SPMIP6: variants seen among roughly 807,000 people sequenced by gnomAD.
SPMIP6 encodes ciliated bronchial epithelial protein 1.
chr9:34,391,696 TA>T, the SPMIP6 span, among the ~76,000 whole-genome samples: 2 of 152,332 alleles, frequency 1.3e-5, no homozygotes, highest in East Asian at 3.9e-4. Context: ...TGTTGATCTG[TA>T]ATTTTATTAC....
the SPMIP6 span, chr9:34,382,581 TC>T: frequency 1.8e-6 from 1 of 542,806 alleles, no homozygotes; most frequent in South Asian, 2.1e-5. Flanking sequence ...TGAGACTCTA[TC>T]TAAAAAAAAA....
At chr9:34,385,523 G>A in the SPMIP6 span, 5 of 900,160 alleles carry the variant, frequency 5.6e-6, no homozygotes, top group African/African-American at 7.4e-5. Context: ...CAACAAGAGC[G>A]AAACTCCGTC....
At chr9:34,381,103 G>A in the SPMIP6 span, 6 of 1,605,206 alleles carry the variant, frequency 3.7e-6, no homozygotes, top group Non-Finnish European at 4.3e-6. This position sits in a 1 kb window ranked among gnomAD's most constrained non-coding sequence, Gnocchi z 4.4. Context: ...GCGACAGTGA[G>A]TTCAGCATGT....
At chr9:34,380,771 G>T in the SPMIP6 span, 3 of 1,547,312 alleles carry the variant, frequency 1.9e-6, no homozygotes, top group Non-Finnish European at 2.6e-6. Flanking sequence ...CCTCGAGAGC[G>T]TGCAGCGCGG....
At chr9:34,381,058 G>C in the SPMIP6 span, 1 of 1,611,566 alleles carries the variant, frequency 6.2e-7, no homozygotes, top group South Asian at 1.1e-5. This position sits in a 1 kb window ranked among gnomAD's most constrained non-coding sequence, Gnocchi z 4.4. Context: ...CCACGCACCC[G>C]CATCGGGGCG....
chr9:34,380,675 CG>C, the SPMIP6 span: 5 of 1,544,136 alleles, frequency 3.2e-6, no homozygotes, highest in South Asian at 6.1e-5. Flanking sequence ...GGACAGGGGT[CG>C]GGGACTTGGA....
chr9:34,380,322 C>T, the SPMIP6 span, among the ~76,000 whole-genome samples: 1 of 152,186 alleles, frequency 6.6e-6, no homozygotes, highest in Non-Finnish European at 1.5e-5. Context: ...AGCAGTAACA[C>T]GCGAGGGTGC....
the SPMIP6 span, among the ~76,000 whole-genome samples, chr9:34,390,358 C>T: frequency 6.6e-6 from 1 of 151,950 alleles, no homozygotes; most frequent in Admixed American, 6.6e-5. Context: ...ACTGCTATTT[C>T]TGCATCTTTT....
At chr9:34,391,376 A>G in the SPMIP6 span, among the ~76,000 whole-genome samples, 1 of 152,096 alleles carries the variant, frequency 6.6e-6, no homozygotes, top group Non-Finnish European at 1.5e-5. Flanking sequence ...ATCTTGTTGA[A>G]TCTTTGCTTT....
chr9:34,380,892 C>A, the SPMIP6 span: 20 of 1,536,670 alleles, frequency 1.3e-5, no homozygotes, highest in Non-Finnish European at 1.7e-5. Flanking sequence ...CGGAGCCCTG[C>A]GAACCTTACA....
chr9:34,383,387 G>A, the SPMIP6 span, among the ~76,000 whole-genome samples: 2 of 152,166 alleles, frequency 1.3e-5, no homozygotes, highest in Non-Finnish European at 2.9e-5. Flanking sequence ...GTTGGGCATG[G>A]TTGGTGTGCG....
At chr9:34,387,510 A>G in the SPMIP6 span, among the ~76,000 whole-genome samples, 1 of 150,916 alleles carries the variant, frequency 6.6e-6, no homozygotes, top group African/African-American at 2.5e-5. Context: ...TCCGAGCTTT[A>G]CACACACACA....
the SPMIP6 span, among the ~76,000 whole-genome samples, chr9:34,395,305 C>G: frequency 6.6e-6 from 1 of 152,190 alleles, no homozygotes; most frequent in East Asian, 1.9e-4. Context: ...CTGACTTTCA[C>G]TCCTCGCCAT....
At chr9:34,381,618 A>G in the SPMIP6 span, 1 of 1,433,426 alleles carries the variant, frequency 7.0e-7, no homozygotes, top group East Asian at 2.5e-5. The surrounding 1 kb of genome is among the most constrained non-coding windows in gnomAD (Gnocchi z 4.4). Flanking sequence ...ACGCTTTTAC[A>G]TCGCCAACAG....
the SPMIP6 span, chr9:34,381,358 C>T: frequency 8.7e-6 from 14 of 1,614,114 alleles, no homozygotes; most frequent in Non-Finnish European, 1.2e-5. This position sits in a 1 kb window ranked among gnomAD's most constrained non-coding sequence, Gnocchi z 4.4. Flanking sequence ...CGCCCCACTA[C>T]CACTCTTTAC....
the SPMIP6 span, chr9:34,382,550 G>A: frequency 0.23 from 131,473 of 560,190 alleles, 17,198 homozygotes; most frequent in East Asian, 0.37. Context: ...GCGCCACTGC[G>A]CTCCAGCCTG....
chr9:34,389,576 C>T, the SPMIP6 span, among the ~76,000 whole-genome samples: 1 of 152,170 alleles, frequency 6.6e-6, no homozygotes, highest in Non-Finnish European at 1.5e-5. Context: ...GATGAGGTTT[C>T]ACCATATTGC....
the SPMIP6 span, among the ~76,000 whole-genome samples, chr9:34,393,362 G>A: frequency 6.6e-6 from 1 of 152,088 alleles, no homozygotes; most frequent in African/African-American, 2.4e-5. Context: ...TTCCTTCTGT[G>A]ATCATTTTCC....
chr9:34,388,307 AT>A, the SPMIP6 span, among the ~76,000 whole-genome samples: 17,231 of 133,704 alleles, frequency 0.13, 1,299 homozygotes, highest in Non-Finnish European at 0.18. Flanking sequence ...CTCCCAGCTA[AT>A]TTTTTTTTTT....
Sources: gnomAD v4.1 joint callset for allele counts (sites outside exome capture counted in the v4.1 genomes callset) on GRCh38, gnomAD v4.1.1 for gene constraint, Gnocchi (gnomAD v3.1) non-coding constraint, MANE v1.5 for transcripts, NCBI Gene and HGNC (gene_info 2026-07-23, HGNC 2026-07-21) for gene names.